The following CLCN4 variants were observed in gnomAD, a reference collection of about 807,000 sequenced individuals.
The protein encoded by CLCN4 is H(+)/Cl(-) exchange transporter 4.
A neutral mutation model predicts 41.7 loss-of-function variants in CLCN4; 1 was observed. That is an observed-to-expected ratio of 0.02 (90% CI 0.01 to 0.11). The LOEUF (loss-of-function observed/expected upper bound fraction) is 0.11. CLCN4 is among the 10% of genes least tolerant of loss of function. CLCN4 has a pLI of 1.00. For missense variants in CLCN4, 287 were observed against 661.0 expected (o/e 0.43, Z 6.20); for synonymous variants, 277 against 285.8 (o/e 0.97, Z 0.31).
chrX:10,178,482 T>C (rs557107441), intron 2 of CLCN4, among the ~76,000 whole-genome samples: 1 of 111,823 alleles, frequency 8.9e-6, no homozygotes, highest in Non-Finnish European at 1.9e-5. Flanking sequence ...AGACTCTTCC[T>C]CTAGATCCAA....
chrX:10,161,616 T>C (rs1281401612), intron 2 of CLCN4, among the ~76,000 whole-genome samples: 1 of 111,470 alleles, frequency 9.0e-6, no homozygotes, highest in Non-Finnish European at 1.9e-5. Flanking sequence ...ACTAGGAGAC[T>C]GCTGCTGCTT....
At chrX:10,173,952 T>G (rs1300870199) in intron 2 of CLCN4, among the ~76,000 whole-genome samples, 1 of 112,151 alleles carries the variant, frequency 8.9e-6, no homozygotes, top group Admixed American at 9.4e-5. Context: ...CACTCTTCTC[T>G]GTGCGGGTCG....
intron 6 of CLCN4, among the ~76,000 whole-genome samples, chrX:10,205,976 C>G (rs1025352033): frequency 1.8e-5 from 2 of 110,284 alleles, no homozygotes; most frequent in African/African-American, 6.6e-5. Flanking sequence ...AGTCAGCCAG[C>G]TCTCCATCTC....
rs1923004451 is a variant in CLCN4 at position 10,158,355 on chromosome X, C to G, written c.-208C>G. ...GGCCAGCGCGAGGGTTTCTGGCCAT[C>G]GACCCTCACCTCCCGGGACTTCCAG... is the stretch of plus-strand genomic sequence containing the variant. On this transcript the variant is annotated 5_prime_UTR_variant, in exon 2 of 13. The change creates a new upstream start codon in the 5' untranslated region. Transcript: ENST00000380833. 1 of 293,572 alleles carries G rather than the reference C, an allele frequency of 3.4e-6. No homozygotes were observed. The highest frequency in any genetic ancestry group is 6.0e-6 in the Non-Finnish European group (1 of 167,973). 24.2% of individuals were successfully genotyped at this position (293,572 alleles called of 1,213,427 possible). A position where few individuals can be genotyped will look rare whatever the true frequency, so the allele number is the denominator to read the frequency against.
chrX:10,232,319 T>C (rs1355901723), intron 12 of CLCN4, among the ~76,000 whole-genome samples: 1 of 112,645 alleles, frequency 8.9e-6, no homozygotes, highest in Non-Finnish European at 1.9e-5. Context: ...CTTACATCCC[T>C]TCTTCATATT....
chrX:10,205,842 C>T (rs1171223867), intron 6 of CLCN4, among the ~76,000 whole-genome samples: 1 of 109,110 alleles, frequency 9.2e-6, no homozygotes, highest in Non-Finnish European at 1.9e-5. Context: ...TGGTTTTGAA[C>T]TCCTGGGCTC....
chrX:10,222,555 G>C (rs1924886675), intron 12 of CLCN4, among the ~76,000 whole-genome samples: 1 of 110,932 alleles, frequency 9.0e-6, no homozygotes, highest in Admixed American at 9.6e-5. Flanking sequence ...AGACAATTTG[G>C]GGTGTCATGA....
intron 2 of CLCN4, among the ~76,000 whole-genome samples, chrX:10,181,868 A>G (rs747555115): frequency 2.7e-5 from 3 of 111,943 alleles, no homozygotes; most frequent in African/African-American, 9.8e-5. Context: ...GTATTAATAC[A>G]TGCTTGTCTT....
At chrX:10,204,431 G>C (rs1254759335) in intron 6 of CLCN4, among the ~76,000 whole-genome samples, 2 of 111,004 alleles carry the variant, frequency 1.8e-5, no homozygotes, top group Non-Finnish European at 3.8e-5. Flanking sequence ...TTCTACTGTT[G>C]TATTAAGAAT....
rs751198107 is a variant in CLCN4, at chrX:10,185,161, C to T, written c.129C>T (p.Thr43=). The T allele has an allele frequency of 3.3e-6, 4 of 1,201,482 alleles. No individual in the cohort carries two copies. The highest frequency in any genetic ancestry group is 1.8e-5 in the South Asian group (1 of 55,679). The change falls in exon 3 of 13, where the codon ACC becomes ACT. Residue 43 remains threonine, a synonymous_variant. Transcript: ENST00000380833. ...IDWLREKSRD[T]DRHRKITSKS... is the part of the protein sequence containing the mutation. The stretch of plus-strand genomic sequence containing the variant: ...GGCTAAGGGAAAAGTCACGGGACAC[C>T]GACAGACACAGGAAGGTAGGTGGCA...
intron 4 of CLCN4, among the ~76,000 whole-genome samples, chrX:10,192,364 G>A (rs191144804): frequency 9.0e-6 from 1 of 111,596 alleles, no homozygotes; most frequent in Non-Finnish European, 1.9e-5. Context: ...TGCCAGGGAA[G>A]TACACCTAAC....
intron 12 of CLCN4, among the ~76,000 whole-genome samples, chrX:10,231,819 C>CT (rs1258071544): frequency 8.9e-6 from 1 of 111,991 alleles, no homozygotes; most frequent in African/African-American, 3.2e-5. Flanking sequence ...TAGGAAAGTA[C>CT]TTTGAGACCA....
chrX:10,185,333 C>CATT (rs895553136), intron 3 of CLCN4, among the ~76,000 whole-genome samples, 157 bp downstream of exon 3: 148 of 111,915 alleles, frequency 1.3e-3, no homozygotes, highest in African/African-American at 4.5e-3. Context: ...ATTGGCAGAT[C>CATT]ATTGTACTAG....
rs935755587 is a variant in CLCN4, at chrX:10,234,460, C to T, written c.*876C>T. ...TTGATCAGCTCAGCACTTCCATGGG[C>T]CATAGCCGGTATGCCCCCAGCCTGC... On this transcript the variant is annotated 3_prime_UTR_variant, in exon 13 of 13. Coordinates refer to ENST00000380833, the MANE Select transcript of CLCN4 (RefSeq NM_001830.4). The T allele has an allele frequency of 1.8e-5, 2 of 113,119 alleles. No individual in the cohort carries two copies. The highest frequency in any genetic ancestry group is 6.4e-5 in the African/African-American group (2 of 31,046). The allele number at this position is 113,119 out of a possible 1,213,427, so 9.3% of individuals were successfully genotyped here.
At chrX:10,212,426 G>T (rs373747286) in intron 9 of CLCN4, 41 bp from the exon 10 acceptor site, 18 of 1,171,836 alleles carry the variant, frequency 1.5e-5, no homozygotes, top group Non-Finnish European at 2.1e-5. Flanking sequence ...CGGGGACTTG[G>T]TCTTTTTCCC....
chrX:10,170,422 G>C (rs1279672392), intron 2 of CLCN4, among the ~76,000 whole-genome samples: 1 of 111,924 alleles, frequency 8.9e-6, no homozygotes, highest in African/African-American at 3.2e-5. Context: ...AAATAAGATT[G>C]ATGTTAAAAA....
At chrX:10,213,398 C>T (rs979359872) in intron 10 of CLCN4, among the ~76,000 whole-genome samples, 4 of 111,810 alleles carry the variant, frequency 3.6e-5, no homozygotes, top group Non-Finnish European at 7.5e-5. Context: ...CATGTAGGAT[C>T]CACTCACCAA....
chrX:10,218,358 G>C (rs1924781795), intron 11 of CLCN4, among the ~76,000 whole-genome samples: 1 of 111,653 alleles, frequency 9.0e-6, no homozygotes, highest in African/African-American at 3.3e-5. Context: ...TATTGTTTTG[G>C]TTTCTTTTTC....
At chrX:10,187,150 A>G (rs1569226482) in intron 3 of CLCN4, among the ~76,000 whole-genome samples, 1 of 112,642 alleles carries the variant, frequency 8.9e-6, no homozygotes, top group Non-Finnish European at 1.9e-5. Flanking sequence ...AAACTTAGCA[A>G]TGTAAGTTAA....
Sources: allele counts gnomAD v4.1 joint callset (sites outside exome capture counted in the v4.1 genomes callset), GRCh38; gene constraint gnomAD v4.1.1; transcripts MANE v1.5; gene names NCBI Gene and HGNC (gene_info 2026-07-23, HGNC 2026-07-21).